Variants in ELP4 observed in about 807,000 individuals in gnomAD.
ELP4 encodes the protein elongator acetyltransferase complex subunit 4.
A neutral mutation model predicts 48.9 loss-of-function variants in ELP4; 51 were observed. The ratio of observed to expected loss-of-function variants is 1.04; its 90% CI spans 0.83 to 1.32. The LOEUF (loss-of-function observed/expected upper bound fraction) is 1.32, where lower values mean the gene tolerates loss of function less well. ELP4 is among the 40% of genes most tolerant of loss of function. The probability of loss-of-function intolerance (pLI) is 0.00; values close to 1 mark genes in which losing one functional copy is unlikely to be tolerated. For synonymous variants in ELP4, 210 were observed against 189.2 expected, an observed-to-expected ratio of 1.11 and a Z score of -0.90; for missense variants, 519 against 514.6, an observed-to-expected ratio of 1.01 and a Z score of -0.08.
At chr11:31,759,254 G>A (rs1013902037) in intron 9 of ELP4, among the ~76,000 whole-genome samples, 2 of 152,032 alleles carry the variant, frequency 1.3e-5, no homozygotes, top group African/African-American at 4.8e-5. Flanking sequence ...TTTCCTTCTA[G>A]TAGAAAAGCA....
chr11:31,561,446 A>AT (rs1957023436), intron 3 of ELP4, among the ~76,000 whole-genome samples: 1 of 151,800 alleles, frequency 6.6e-6, no homozygotes, highest in African/African-American at 2.4e-5. Context: ...ATTATTTTTT[A>AT]TTTTTTATTT....
intron 9 of ELP4, among the ~76,000 whole-genome samples, chr11:31,781,223 G>A (rs1456439820): frequency 6.6e-6 from 1 of 152,086 alleles, no homozygotes; most frequent in Non-Finnish European, 1.5e-5. Context: ...GACGTCATTT[G>A]TCAGGTCCCA....
intron 3 of ELP4, among the ~76,000 whole-genome samples, chr11:31,576,399 A>C (rs1433146936): frequency 6.6e-6 from 1 of 152,192 alleles, no homozygotes; most frequent in African/African-American, 2.4e-5. Flanking sequence ...GAAAGTTAAC[A>C]AGGATATCCA....
rs144913338 is a variant in ELP4 at position 31,761,100 on chromosome 11, C to T, written c.1144-22293C>T. 5.2e-3 allele frequency among the ~76,000 whole-genome samples: 787 copies of T among 152,186 alleles called. 3 individuals are homozygous for T. Among genetic ancestry groups the T allele is most frequent in the African/African-American group, 0.018 (749 of 41,526 alleles). ...TGGCAAGGCTGTTCGCGGTGGCTCACGCCTGTAATCCCACCACTTTGGAGG... is the reference window on the plus strand; with the variant it reads ...TGGCAAGGCTGTTCGCGGTGGCTCATGCCTGTAATCCCACCACTTTGGAGG... On this transcript the variant is annotated intron_variant, in intron 9 of 9. Transcript: ENST00000640961.
intron 9 of ELP4, among the ~76,000 whole-genome samples, chr11:31,678,495 ATGTGTGTGTGTGTGTG>A (rs71060498): frequency 5.7e-4 from 79 of 137,514 alleles, no homozygotes; most frequent in South Asian, 2.3e-3. Flanking sequence ...ACATATATGT[ATGTGTGTGTGTGTGTG>A]TGTGTGTGTG....
At chr11:31,534,003 T>C (rs983960748) in intron 2 of ELP4, among the ~76,000 whole-genome samples, 6 of 151,478 alleles carry the variant, frequency 4.0e-5, no homozygotes, top group Non-Finnish European at 7.4e-5. Context: ...GCCCAGCTAA[T>C]GTTTTTGTAT....
At position 31,547,205 on chromosome 11, in the gene ELP4, T is replaced by C. The variant is rs563144819; in HGVS notation, c.381+7422T>C. ...AATTAGTGAATCCAGGAGCTTGTTT[T>C]TTGAAAGGATCAACAAAATTGATAG... On this transcript the variant is annotated intron_variant, in intron 3 of 9. Transcript: ENST00000640961. Among the ~76,000 whole-genome samples the C allele has an allele frequency of 2.0e-5, 3 of 152,244 alleles. No homozygotes were observed. In the South Asian group the frequency reaches 6.2e-4, roughly 32 times the overall value.
intron 5 of ELP4, among the ~76,000 whole-genome samples, chr11:31,605,126 TG>T (rs1957850458): frequency 6.6e-6 from 1 of 152,026 alleles, no homozygotes; most frequent in African/African-American, 2.4e-5. Flanking sequence ...CAGAAGATTT[TG>T]GTGTCTTTCA....
At chr11:31,604,050 A>T in intron 5 of ELP4, 143 bp downstream of exon 5, 1 of 611,198 alleles carries the variant, frequency 1.6e-6, no homozygotes, top group Non-Finnish European at 2.5e-6. Context: ...TGTAACTTCA[A>T]GTCTATGTAT....
intron 3 of ELP4, among the ~76,000 whole-genome samples, chr11:31,547,630 A>G (rs866158521): frequency 6.6e-6 from 1 of 152,198 alleles, no homozygotes; most frequent in African/African-American, 2.4e-5. Flanking sequence ...TCCCTAACTC[A>G]TTTTATGAGG....
chr11:31,532,475 A>G (rs1956410261), intron 2 of ELP4, among the ~76,000 whole-genome samples: 1 of 152,126 alleles, frequency 6.6e-6, no homozygotes, highest in African/African-American at 2.4e-5. Context: ...GACAACTGTG[A>G]CATCTAGTTT....
chr11:31,682,038 G>A, intron 9 of ELP4: 2 of 1,291,698 alleles, frequency 1.5e-6, no homozygotes, highest in East Asian at 6.1e-5. Flanking sequence ...ACCGCGCCCG[G>A]CCTAGGGCTT....
At chr11:31,759,540 A>T (rs758830472) in intron 9 of ELP4, among the ~76,000 whole-genome samples, 1 of 152,202 alleles carries the variant, frequency 6.6e-6, no homozygotes, top group Non-Finnish European at 1.5e-5. Context: ...CCAAAAACAT[A>T]ATTTCACTAA....
intron 9 of ELP4, chr11:31,727,987 A>G (rs1030478853): frequency 1.3e-5 from 2 of 152,198 alleles, no homozygotes; most frequent in Non-Finnish European, 2.9e-5. Flanking sequence ...AGGCTCATCT[A>G]TCTCAAAGAT....
At chr11:31,760,710 A>G (rs1048337705) in intron 9 of ELP4, among the ~76,000 whole-genome samples, 1 of 152,218 alleles carries the variant, frequency 6.6e-6, no homozygotes, top group African/African-American at 2.4e-5. Context: ...ACTTCCTTAG[A>G]TATTCCAGAT....
At chr11:31,514,583 A>G (rs1199413561) in intron 1 of ELP4, among the ~76,000 whole-genome samples, 2 of 152,226 alleles carry the variant, frequency 1.3e-5, no homozygotes, top group Admixed American at 6.5e-5. Context: ...TGTTTTCATT[A>G]TAAAAATAAG....
chr11:31,707,617 C>T (rs1946661208), intron 9 of ELP4, among the ~76,000 whole-genome samples: 1 of 151,814 alleles, frequency 6.6e-6, no homozygotes, highest in Admixed American at 6.6e-5. Flanking sequence ...TTTTCTGTTA[C>T]TGCTATAAAA....
chr11:31,762,864 T>A (rs750516930), intron 9 of ELP4, among the ~76,000 whole-genome samples: 7 of 151,700 alleles, frequency 4.6e-5, no homozygotes, highest in Non-Finnish European at 8.8e-5. Context: ...TTTTTTTCAG[T>A]GTGCAATATA....
chr11:31,694,493 G>A (rs1056168667), intron 9 of ELP4, among the ~76,000 whole-genome samples: 1 of 152,126 alleles, frequency 6.6e-6, no homozygotes. Context: ...TATTATTTCT[G>A]AGGGCTCTGT....
Sources: allele counts gnomAD v4.1 joint callset (sites outside exome capture counted in the v4.1 genomes callset), GRCh38; gene constraint gnomAD v4.1.1; transcripts MANE v1.5; gene names NCBI Gene and HGNC (gene_info 2026-07-23, HGNC 2026-07-21).